CREB3L2: variants seen among roughly 807,000 people sequenced by gnomAD.
The protein encoded by CREB3L2 is cyclic AMP-responsive element-binding protein 3-like protein 2.
In CREB3L2, 23 loss-of-function variants were observed where a neutral mutation model predicts 57.2. That is an observed-to-expected ratio of 0.40 (90% confidence interval 0.29 to 0.57). The LOEUF is 0.57. Ranked by LOEUF, CREB3L2 falls within the 20% of genes least tolerant of loss-of-function variation. The pLI, the probability that CREB3L2 is intolerant of heterozygous loss-of-function variation, is 0.42. For synonymous variants in CREB3L2, 268 were observed against 265.1 expected (o/e 1.01, Z -0.11); for missense variants, 628 against 634.7 (o/e 0.99, Z 0.11).
At chr7:137,955,205 C>A in intron 1 of CREB3L2, 1 of 1,054,202 alleles carries the variant, frequency 9.5e-7, no homozygotes, top group Non-Finnish European at 1.3e-6. Flanking sequence ...AAATCCTTGC[C>A]CATTTCCATC....
intron 1 of CREB3L2, among the ~76,000 whole-genome samples, chr7:137,982,936 T>C (rs1243374920): frequency 2.6e-5 from 4 of 152,084 alleles, no homozygotes; most frequent in Admixed American, 1.3e-4. Context: ...GAGGACATAG[T>C]GAGAAGATGG....
At chr7:137,908,006 T>C (rs1799926605) in intron 5 of CREB3L2, among the ~76,000 whole-genome samples, 2 of 152,160 alleles carry the variant, frequency 1.3e-5, no homozygotes, top group South Asian at 2.1e-4. Context: ...AAAATAAACA[T>C]ATGAATAAAA....
In CREB3L2 at chr7:137,980,757, T is replaced by G. The variant is rs1801698992; in HGVS notation, c.102+20847A>C. On this transcript the variant is annotated intron_variant, in intron 1 of 11. Transcript: ENST00000330387. The surrounding 1 kb of genome is among the most constrained non-coding windows in gnomAD (Gnocchi z 4.3). ...GAGGGAGGAGTTGGGAAAGGCAAAC[T>G]AGGAAACAATTTTCCACTGGCCATC... 6.6e-6 allele frequency among the ~76,000 whole-genome samples: 1 copy of G among 152,170 alleles called. No individual in the cohort carries two copies. Among genetic ancestry groups the G allele is most frequent in the African/African-American group, 2.4e-5 (1 of 41,416 alleles).
intron 1 of CREB3L2, among the ~76,000 whole-genome samples, chr7:137,940,965 C>T (rs75367343): frequency 1.6e-3 from 245 of 152,310 alleles, no homozygotes; most frequent in African/African-American, 5.5e-3. Flanking sequence ...AAGGGAATCC[C>T]GCAGGTCAGC....
intron 2 of CREB3L2, among the ~76,000 whole-genome samples, chr7:137,925,743 CCA>C (rs1166259679): frequency 6.6e-6 from 1 of 152,204 alleles, no homozygotes; most frequent in Non-Finnish European, 1.5e-5. Flanking sequence ...AGTTCCCCAT[CCA>C]CTCATCCACA....
At chr7:137,927,078 G>A (rs1800482601) in intron 2 of CREB3L2, among the ~76,000 whole-genome samples, 1 of 152,020 alleles carries the variant, frequency 6.6e-6, no homozygotes, top group Non-Finnish European at 1.5e-5. Context: ...GACTACATGA[G>A]AGCCCAGGAG....
chr7:137,976,134 A>G (rs1801603853), intron 1 of CREB3L2, among the ~76,000 whole-genome samples: 1 of 152,244 alleles, frequency 6.6e-6, no homozygotes, highest in East Asian at 1.9e-4. Flanking sequence ...TTAGCCAAGT[A>G]TTGGGTTCAA....
At chr7:137,907,621 T>C (rs1487585927) in intron 5 of CREB3L2, among the ~76,000 whole-genome samples, 1 of 152,206 alleles carries the variant, frequency 6.6e-6, no homozygotes, top group Non-Finnish European at 1.5e-5. Context: ...GAATTCAAAA[T>C]AGCTGATTAT....
chr7:137,915,295 A>G (rs1490690973), intron 3 of CREB3L2, among the ~76,000 whole-genome samples: 2 of 152,114 alleles, frequency 1.3e-5, no homozygotes, highest in Non-Finnish European at 2.9e-5. Flanking sequence ...GGGTAACACA[A>G]TAATAGGTGT....
intron 8 of CREB3L2, among the ~76,000 whole-genome samples, chr7:137,886,388 A>G (rs1799420479): frequency 6.6e-6 from 1 of 151,862 alleles, no homozygotes. Flanking sequence ...CAGGCAGGTT[A>G]GAAGAGAGAG....
intron 3 of CREB3L2, among the ~76,000 whole-genome samples, chr7:137,913,749 C>G (rs1800066687): frequency 6.6e-6 from 1 of 152,040 alleles, no homozygotes; most frequent in South Asian, 2.1e-4. Context: ...TTCCACTCCC[C>G]CTATCCTCAC....
In CREB3L2 at chr7:137,908,271, G is replaced by C. The variant is rs768289285; in HGVS notation, c.749C>G (p.Pro250Arg). 1 of 1,259,282 alleles carries C rather than the reference G, an allele frequency of 7.9e-7. No homozygotes were observed. The highest frequency in any genetic ancestry group is 1.0e-6 in the Non-Finnish European group (1 of 993,188). 78.0% of individuals were successfully genotyped at this position (1,259,282 alleles called of 1,614,324 possible). Residue 250 changes from proline to arginine, a missense_variant, in exon 5 of 12, where the codon CCT becomes CGT. Pro to Arg is a moderately radical substitution (Grantham distance 103, BLOSUM62 -2). Around this residue, in one of 3 missense-constraint regions of CREB3L2, gnomAD observed 339 missense variants for 355.4 expected, o/e 0.95. Transcript: ENST00000330387. The part of the protein sequence containing the change: ...PRAPSALSSS[P>R]LLTAPHKLQG... ...ACTTACATGAGGAGCCGTGAGGAGA[G>C]GGGAGCTGGAGAGGGCGGAGGGGGC...
chr7:137,977,287 A>G (rs1801625249), intron 1 of CREB3L2, among the ~76,000 whole-genome samples: 1 of 152,216 alleles, frequency 6.6e-6, no homozygotes, highest in Admixed American at 6.5e-5. Flanking sequence ...GTCCAAAACC[A>G]AAGTGCCGAG....
chr7:137,984,655 ATTC>A (rs746734772), intron 1 of CREB3L2, among the ~76,000 whole-genome samples: 3 of 152,198 alleles, frequency 2.0e-5, no homozygotes, highest in African/African-American at 7.2e-5. Flanking sequence ...TCATACTTTT[ATTC>A]TTCTTATTTT....
chr7:137,888,057 ATCC>A (rs2117180596), intron 8 of CREB3L2, among the ~76,000 whole-genome samples: 1 of 152,266 alleles, frequency 6.6e-6, no homozygotes, highest in African/African-American at 2.4e-5. Context: ...AACTCGAGCA[ATCC>A]TCCTGCCTCA....
rs894793191 is a variant in CREB3L2 at position 137,880,349 on chromosome 7, T to C, written c.*127A>G. The C allele has an allele frequency of 1.3e-6, 1 of 756,430 alleles. No individual in the cohort carries two copies. The highest frequency in any genetic ancestry group is 2.3e-6 in the Non-Finnish European group (1 of 437,180). 46.9% of individuals were successfully genotyped at this position (756,430 alleles called of 1,614,324 possible). A position where few individuals can be genotyped will look rare whatever the true frequency, so the allele number is the denominator to read the frequency against. ...GGAAGTCCCAGGCTGGTCTCCAATC[T>C]GAAGCCACTAATGCTTGCCCATGTC... is the stretch of plus-strand genomic sequence containing the variant. On this transcript the variant is annotated 3_prime_UTR_variant, in exon 12 of 12. Coordinates refer to ENST00000330387, the MANE Select transcript of CREB3L2 (RefSeq NM_194071.4). This position sits in a 1 kb window ranked among gnomAD's most constrained non-coding sequence, Gnocchi z 4.0.
chr7:137,909,177 C>T lies in CREB3L2; in HGVS notation c.584-741G>A, dbSNP rs116844118. Among the ~76,000 whole-genome samples the T allele has an allele frequency of 9.8e-4, 149 of 152,298 alleles. 3 individuals carry two copies. In the East Asian group the frequency reaches 0.024, roughly 25 times the overall value. On this transcript the variant is annotated intron_variant, in intron 4 of 11. Coordinates refer to ENST00000330387, the MANE Select transcript of CREB3L2 (RefSeq NM_194071.4). ...TGCGTGGTCATGCCCGCAGGCAAGA[C>T]GCCAGGCATTCTTCATTCAGAAAAC...
At chr7:137,894,626 G>A (rs1190432807) in intron 8 of CREB3L2, among the ~76,000 whole-genome samples, 1 of 152,186 alleles carries the variant, frequency 6.6e-6, no homozygotes, top group African/African-American at 2.4e-5. Context: ...GGGAATTCCA[G>A]GATCCTAGGT....
chr7:137,917,601 A>C (rs1400893077), intron 2 of CREB3L2, among the ~76,000 whole-genome samples: 1 of 152,218 alleles, frequency 6.6e-6, no homozygotes, highest in Non-Finnish European at 1.5e-5. Context: ...GAAAAGGTAC[A>C]ATCATTTAGA....
Sources: gnomAD v4.1 joint callset for allele counts (sites outside exome capture counted in the v4.1 genomes callset) on GRCh38, gnomAD v4.1.1 for gene constraint, gnomAD v4.1.1 regional missense constraint, Gnocchi (gnomAD v3.1) non-coding constraint, MANE v1.5 for transcripts, NCBI Gene and HGNC (gene_info 2026-07-23, HGNC 2026-07-21) for gene names.